The following AMPD1 variants were observed in gnomAD, a reference collection of about 807,000 sequenced individuals.
AMPD1 encodes AMP deaminase 1.
A neutral mutation model predicts 82.9 loss-of-function variants in AMPD1; 74 were observed. The observed-to-expected ratio is 0.89, with a 90% CI of 0.74 to 1.08. AMPD1 has a LOEUF of 1.08. Ranked by LOEUF, AMPD1 falls within the 50% of genes least tolerant of loss-of-function variation. AMPD1 has a pLI of 0.00. For synonymous variants in AMPD1, 333 were observed against 320.5 expected, an observed-to-expected ratio of 1.04 and a Z score of -0.42; for missense variants, 881 against 924.5, an observed-to-expected ratio of 0.95 and a Z score of 0.61.
In AMPD1 at chr1:114,679,642, G is replaced by T; in HGVS notation, c.834C>A (p.Asn278Lys). 6.2e-7 allele frequency: 1 copy of T among 1,613,786 alleles called. No homozygotes were observed. Among genetic ancestry groups the T allele is most frequent in the East Asian group, 2.2e-5 (1 of 44,876 alleles). Residue 278 changes from asparagine to lysine, a missense_variant, in exon 7 of 16, where the codon AAC (asparagine) becomes AAA (lysine). Physicochemically the swap from Asn to Lys is moderately conservative, Grantham distance 94 (BLOSUM62 0). Coordinates refer to ENST00000520113, the MANE Select transcript of AMPD1 (RefSeq NM_000036.3). ...TCAGCTCCTTTAACTCGTCCATCTC[G>T]TTAAGCATCTGATGGACCTGGAACT... ...SSKFQVHQMLNEMDELKELKN... is the reference protein window; with the variant it reads ...SSKFQVHQMLKEMDELKELKN...
In AMPD1 at chr1:114,680,409, T is replaced by C. The variant is rs376201207; in HGVS notation, c.617A>G (p.Tyr206Cys). The C allele has an allele frequency of 6.8e-6, 11 of 1,614,076 alleles. No homozygotes were observed. In the African/African-American group the frequency reaches 1.1e-4, roughly 16 times the overall value. Residue 206 changes from tyrosine (Y) to cysteine (C), a missense_variant, in exon 6 of 16, where the codon TAT becomes TGT. By Grantham distance (194) the Tyr-to-Cys change is radical. Coordinates refer to ENST00000520113, the MANE Select transcript of AMPD1 (RefSeq NM_000036.3). ...RTDNLPENLG[Y>C]HLKMKDGVVY... ...TACACCGTCCTTCATTTTGAGGTGATAGCCCAGGTTTTCAGGAAGGTTGTC... is the reference window on the plus strand; with the variant it reads ...TACACCGTCCTTCATTTTGAGGTGACAGCCCAGGTTTTCAGGAAGGTTGTC...
chr1:114,686,825 C>G lies in AMPD1; in HGVS notation c.301G>C (p.Glu101Gln), dbSNP rs189060095. Residue 101 changes from glutamate to glutamine, a missense_variant, in exon 4 of 16, where the codon GAA becomes CAA. Around this residue, in one of 2 missense-constraint regions of AMPD1, gnomAD observed 783 missense variants for 786.4 expected, o/e 1.00. Coordinates refer to ENST00000520113, the MANE Select transcript of AMPD1 (RefSeq NM_000036.3). ...TAGGTTGGAGATGAGGAAATGTATTCATCAATGTGGGACAGTTTGGTGGAA... is the reference window on the plus strand; with the variant it reads ...TAGGTTGGAGATGAGGAAATGTATTGATCAATGTGGGACAGTTTGGTGGAA... ...TSSTKLSHID[E>Q]YISSSPTYQT... 9 of 1,614,102 alleles carry G rather than the reference C, an allele frequency of 5.6e-6. No individual in the cohort carries two copies. The highest frequency in any genetic ancestry group is 1.3e-5 in the African/African-American group (1 of 75,036).
At chr1:114,688,461 C>T (rs1658383455) in intron 3 of AMPD1, 100 bp downstream of exon 3, 2 of 1,382,902 alleles carry the variant, frequency 1.4e-6, no homozygotes, top group Admixed American at 1.7e-5. Flanking sequence ...AGTTCTTCCT[C>T]TGAGTTGAAC....
intron 7 of AMPD1, 99 bp downstream of exon 7, chr1:114,679,480 T>C: frequency 6.6e-7 from 1 of 1,518,072 alleles, no homozygotes; most frequent in South Asian, 1.1e-5. Context: ...CCTGTAGAAA[T>C]CTTAGATTAA....
Position 114,679,852 on chromosome 1 carries a change from A to T in AMPD1, c.768-144T>A. 3.1e-6 allele frequency: 3 copies of T among 974,290 alleles called. No individual in the cohort carries two copies. The South Asian group carries it at 4.1e-5, about 13-fold the overall frequency. 60.4% of individuals were successfully genotyped at this position (974,290 alleles called of 1,614,324 possible). The stretch of plus-strand genomic sequence containing the variant: ...TTTAGTTTACTCTGCAGTTAATCCC[A>T]CTGAGAAGTAGTGGGCTCCAAAGGC... On this transcript the variant is annotated intron_variant, in intron 6 of 15. Coordinates refer to ENST00000520113, the MANE Select transcript of AMPD1 (RefSeq NM_000036.3).
chr1:114,674,923 T>C, intron 12 of AMPD1, 51 bp from the exon 13 acceptor site: 1 of 1,611,912 alleles, frequency 6.2e-7, no homozygotes, highest in Admixed American at 1.7e-5. Flanking sequence ...TATGGAGTGA[T>C]TCACAAGAAA....
intron 2 of AMPD1, among the ~76,000 whole-genome samples, chr1:114,692,569 G>T (rs1159033147): frequency 1.3e-5 from 2 of 152,044 alleles, no homozygotes; most frequent in Non-Finnish European, 2.9e-5. Flanking sequence ...TGTAAACTCA[G>T]CTACTCAGGA....
intron 1 of AMPD1, among the ~76,000 whole-genome samples, chr1:114,695,081 T>A (rs1337937926): frequency 6.6e-6 from 1 of 152,218 alleles, no homozygotes; most frequent in Non-Finnish European, 1.5e-5. Flanking sequence ...GGGTTATTTT[T>A]GTCATGTTCA....
At chr1:114,678,651 G>T in intron 7 of AMPD1, 124 bp from the exon 8 acceptor site, 1 of 911,908 alleles carries the variant, frequency 1.1e-6, no homozygotes, top group Non-Finnish European at 1.7e-6. Context: ...GATGTGAGCT[G>T]ACAGTTGGTG....
At chr1:114,677,660 T>C in intron 9 of AMPD1, 146 bp from the exon 10 acceptor site, 1 of 1,199,558 alleles carries the variant, frequency 8.3e-7, no homozygotes, top group Non-Finnish European at 1.2e-6. Context: ...ACCCTTAATT[T>C]CTCTACCTTA....
At chr1:114,689,648 C>G (rs940497925) in intron 2 of AMPD1, among the ~76,000 whole-genome samples, 8 of 152,138 alleles carry the variant, frequency 5.3e-5, no homozygotes, top group African/African-American at 1.9e-4. Flanking sequence ...GAAACCCTGT[C>G]TCTACTAAAA....
At chr1:114,692,086 T>A (rs1471162905) in intron 2 of AMPD1, among the ~76,000 whole-genome samples, 1 of 152,192 alleles carries the variant, frequency 6.6e-6, no homozygotes, top group Non-Finnish European at 1.5e-5. Flanking sequence ...TTATGAAGAT[T>A]TAACAAAAAA....
In AMPD1 at chr1:114,682,729, C is replaced by T. The variant is rs963258006; in HGVS notation, c.547+1470G>A. On this transcript the variant is annotated intron_variant, in intron 5 of 15. Coordinates refer to ENST00000520113, the MANE Select transcript of AMPD1 (RefSeq NM_000036.3). ...GAGTAGCTGGGACTACAGGCGCCCG[C>T]CACCACGCCTGGCTAATTTTTTGTA... 3.3e-5 allele frequency among the ~76,000 whole-genome samples: 5 copies of T among 152,276 alleles called. 1 individual carries two copies. The South Asian group carries it at 6.2e-4, about 19-fold the overall frequency.
intron 7 of AMPD1, 107 bp downstream of exon 7, chr1:114,679,472 T>A: frequency 6.8e-7 from 1 of 1,475,702 alleles, no homozygotes; most frequent in Non-Finnish European, 9.4e-7. Flanking sequence ...CCACTGAACC[T>A]GTAGAAATCT....
chr1:114,680,709 G>A (rs1056079181), intron 5 of AMPD1, among the ~76,000 whole-genome samples: 13 of 152,210 alleles, frequency 8.5e-5, no homozygotes, highest in African/African-American at 3.1e-4. Context: ...GCTCGTGCCT[G>A]TAATCCCAGC....
In AMPD1 at chr1:114,675,870, T is replaced by C. The variant is rs562896819; in HGVS notation, c.1515+7A>G. 9.9e-6 allele frequency: 16 copies of C among 1,614,060 alleles called. No homozygotes were observed. The highest frequency in any genetic ancestry group is 1.6e-4 in the Middle Eastern group (1 of 6,084). On this transcript the variant is annotated splice_region_variant and intron_variant, in intron 11 of 15. Transcript: ENST00000520113. ...AGCAGTATGAAGGCCTGAAGGGTCATGCTTACATGCTTGAGGAAGACACTG... is the reference window on the plus strand; with the variant it reads ...AGCAGTATGAAGGCCTGAAGGGTCACGCTTACATGCTTGAGGAAGACACTG...
chr1:114,674,901 G>C, intron 12 of AMPD1, 29 bp from the exon 13 acceptor site: 1 of 1,613,762 alleles, frequency 6.2e-7, no homozygotes, highest in Non-Finnish European at 8.5e-7. Context: ...TATTGGAATC[G>C]CAGGTTCTGG....
At position 114,673,893 on chromosome 1, in the gene AMPD1, C is replaced by G; in HGVS notation, c.1974+16G>C. 1.9e-6 allele frequency: 3 copies of G among 1,613,146 alleles called. No homozygotes were observed. Among genetic ancestry groups the G allele is most frequent in the Non-Finnish European group, 2.5e-6 (3 of 1,179,178 alleles). The stretch of plus-strand genomic sequence containing the variant: ...TCCAGCAAAATATGCTTGTATTGCC[C>G]AAGTCCATACTATACCTTGGTAAAG... On this transcript the variant is annotated intron_variant, in intron 14 of 15. Transcript: ENST00000520113.
chr1:114,674,873 C>G lies in AMPD1; in HGVS notation c.1680-1G>C, dbSNP rs369924176. The G allele has an allele frequency of 1.9e-6, 3 of 1,614,110 alleles. No homozygotes were observed. The highest frequency in any genetic ancestry group is 2.2e-5 in the East Asian group (1 of 44,874). On this transcript the variant is annotated splice_acceptor_variant, in intron 12 of 15. Coordinates refer to ENST00000520113, the MANE Select transcript of AMPD1 (RefSeq NM_000036.3). LOFTEE classifies it high-confidence loss of function. ...CAGAAACGTATTCATGCCTCGTTCCCTGGGGAAATAGAACTGCTATTGGAA... is the reference window on the plus strand; with the variant it reads ...CAGAAACGTATTCATGCCTCGTTCCGTGGGGAAATAGAACTGCTATTGGAA...
Sources: gnomAD v4.1 joint callset for allele counts (sites outside exome capture counted in the v4.1 genomes callset) on GRCh38, gnomAD v4.1.1 for gene constraint, gnomAD v4.1.1 regional missense constraint, MANE v1.5 for transcripts, NCBI Gene and HGNC (gene_info 2026-07-23, HGNC 2026-07-21) for gene names.